BNC2: variants seen among roughly 807,000 people sequenced by gnomAD.
The protein encoded by BNC2 is zinc finger protein basonuclin-2.
In BNC2, 20 loss-of-function variants were observed where a neutral mutation model predicts 76.3. That is an observed-to-expected ratio of 0.26 (90% CI 0.18 to 0.38). The LOEUF is 0.38. Among genes scored for constraint, BNC2 ranks in the 10% least tolerant of loss-of-function variants. The pLI, the probability that BNC2 is intolerant of heterozygous loss-of-function variation, is 1.00. For missense variants in BNC2, 1,382 were observed against 1,399.8 expected (o/e 0.99, Z 0.20); for synonymous variants, 582 against 514.8 (o/e 1.13, Z -1.77).
rs202032722 is a variant in BNC2, at chr9:16,422,369, T to TA, written c.2640-2721dup. Among the ~76,000 whole-genome samples the TA allele has an allele frequency of 2.8e-3, 422 of 152,032 alleles. 1 individual carries two copies. The highest frequency in any genetic ancestry group is 9.2e-3 in the African/African-American group (383 of 41,492). ...TTCAATTAAGTGCCATCCCTCACTT[T>TA]AAAAAAAACAGCTACTTTATCAATT... On this transcript the variant is annotated intron_variant, in intron 6 of 6. Transcript: ENST00000380672.
intron 3 of BNC2, among the ~76,000 whole-genome samples, chr9:16,633,811 G>A (rs1420199765): frequency 6.6e-6 from 1 of 152,082 alleles, no homozygotes; most frequent in African/African-American, 2.4e-5. Flanking sequence ...CATCTAAAAT[G>A]CAACTTTTAA....
chr9:16,687,381 T>C (rs1308035190), intron 3 of BNC2, among the ~76,000 whole-genome samples: 1 of 152,126 alleles, frequency 6.6e-6, no homozygotes, highest in Non-Finnish European at 1.5e-5. Context: ...AAAGGGAATT[T>C]ATCCTCTTAA....
intron 1 of BNC2, among the ~76,000 whole-genome samples, chr9:16,765,003 C>CT (rs532957952): frequency 6.6e-6 from 1 of 152,114 alleles, no homozygotes; most frequent in Non-Finnish European, 1.5e-5. Context: ...GGCATATACT[C>CT]TGATTTTTTG....
intron 1 of BNC2, among the ~76,000 whole-genome samples, chr9:16,740,562 T>G (rs144237626): frequency 1.3e-5 from 2 of 152,156 alleles, no homozygotes; most frequent in African/African-American, 2.4e-5. Flanking sequence ...GTAAGCAAAT[T>G]GTGAAGACAA....
intron 3 of BNC2, among the ~76,000 whole-genome samples, chr9:16,643,266 A>G (rs1587267226): frequency 1.3e-5 from 2 of 150,840 alleles, no homozygotes; most frequent in Admixed American, 6.6e-5. Flanking sequence ...AGATCACGAC[A>G]ATGCACTCCA....
chr9:16,671,298 G>A (rs1246707493), intron 3 of BNC2, among the ~76,000 whole-genome samples: 1 of 152,128 alleles, frequency 6.6e-6, no homozygotes, highest in East Asian at 1.9e-4. Flanking sequence ...AAAATAATAT[G>A]TGATTGCATC....
At chr9:16,458,851 A>T (rs1432751921) in intron 5 of BNC2, among the ~76,000 whole-genome samples, 1 of 152,240 alleles carries the variant, frequency 6.6e-6, no homozygotes, top group East Asian at 1.9e-4. Context: ...CTCAGTGCAC[A>T]CATGAAGCCC....
chr9:16,641,208 C>T (rs1220379523), intron 3 of BNC2, among the ~76,000 whole-genome samples: 1 of 152,188 alleles, frequency 6.6e-6, no homozygotes, highest in African/African-American at 2.4e-5. Context: ...AAAGTAATCA[C>T]ACTATGTACA....
intron 1 of BNC2, among the ~76,000 whole-genome samples, chr9:16,797,629 A>G (rs574987239): frequency 6.6e-6 from 1 of 152,328 alleles, no homozygotes; most frequent in South Asian, 2.1e-4. Context: ...CAAAAGCTAA[A>G]GTTTGGCAAC....
rs140364818 is a variant in BNC2, at chr9:16,531,638, C to T, written c.669+20892G>A. The stretch of plus-strand genomic sequence containing the variant: ...ATTATAAAACATATGGTGCAAACTC[C>T]GGCTGTGTTTATTTTATGACAGTTA... On this transcript the variant is annotated intron_variant, in intron 5 of 6. Transcript: ENST00000380672. Among the ~76,000 whole-genome samples the T allele has an allele frequency of 1.8e-4, 27 of 151,900 alleles. 1 individual carries two copies. The highest frequency in any genetic ancestry group is 6.0e-4 in the African/African-American group (25 of 41,448).
At chr9:16,631,230 C>T (rs998111878) in intron 3 of BNC2, among the ~76,000 whole-genome samples, 14 of 152,270 alleles carry the variant, frequency 9.2e-5, no homozygotes, top group African/African-American at 3.1e-4. Context: ...GCTAATTCAA[C>T]TTTTACATAA....
intron 5 of BNC2, among the ~76,000 whole-genome samples, chr9:16,456,836 C>CA (rs1375077922): frequency 6.6e-6 from 1 of 152,020 alleles, no homozygotes; most frequent in African/African-American, 2.4e-5. Flanking sequence ...TAAAAAACAT[C>CA]AAAAAATTTA....
intron 1 of BNC2, among the ~76,000 whole-genome samples, chr9:16,752,221 T>C (rs992052098): frequency 6.6e-5 from 10 of 152,198 alleles, no homozygotes; most frequent in African/African-American, 2.4e-4. Flanking sequence ...TTTGTTAAGT[T>C]ATGTTTTACC....
intron 1 of BNC2, among the ~76,000 whole-genome samples, chr9:16,854,118 T>C (rs1367753904): frequency 6.6e-6 from 1 of 152,180 alleles, no homozygotes; most frequent in Non-Finnish European, 1.5e-5. Flanking sequence ...TTGTTCAGTG[T>C]CTTTCCTTTC....
chr9:16,435,064 G>T (rs760981930), intron 6 of BNC2: 4 of 471,350 alleles, frequency 8.5e-6, no homozygotes, highest in South Asian at 6.2e-5. Flanking sequence ...TCGATGTCCT[G>T]GACCTATGGT....
chr9:16,590,859 C>A (rs538701708), intron 3 of BNC2, among the ~76,000 whole-genome samples: 1 of 152,188 alleles, frequency 6.6e-6, no homozygotes, highest in East Asian at 1.9e-4. Context: ...TCTGGAATAG[C>A]AAATTATCTG....
chr9:16,675,137 T>C (rs1330646866), intron 3 of BNC2, among the ~76,000 whole-genome samples: 2 of 152,232 alleles, frequency 1.3e-5, no homozygotes, highest in African/African-American at 2.4e-5. Context: ...TGCCTAAAAA[T>C]GTAGCCTCCT....
At chr9:16,700,968 T>A (rs1004570403) in intron 3 of BNC2, among the ~76,000 whole-genome samples, 10 of 152,142 alleles carry the variant, frequency 6.6e-5, no homozygotes, top group Non-Finnish European at 1.3e-4. Flanking sequence ...TTATACTGAT[T>A]AGCTTTTCCT....
chr9:16,848,656 T>A (rs1350803840), intron 1 of BNC2, among the ~76,000 whole-genome samples: 1 of 152,150 alleles, frequency 6.6e-6, no homozygotes, highest in Non-Finnish European at 1.5e-5. Context: ...ATCTAGCATA[T>A]TAGTTATAAA....
Sources: allele counts gnomAD v4.1 joint callset (sites outside exome capture counted in the v4.1 genomes callset), GRCh38; gene constraint gnomAD v4.1.1; transcripts MANE v1.5; gene names NCBI Gene and HGNC (gene_info 2026-07-23, HGNC 2026-07-21).